ENOX2: variants seen among roughly 807,000 people sequenced by gnomAD.
ENOX2 encodes APK1 antigen.
In ENOX2, 36 loss-of-function variants were observed where a neutral mutation model predicts 45.0. That is an observed-to-expected ratio of 0.80 (90% CI 0.61 to 1.06). The LOEUF is 1.06. Among genes scored for constraint, ENOX2 ranks in the 50% least tolerant of loss-of-function variants. The pLI is 0.00. For synonymous variants in ENOX2, 174 were observed against 152.3 expected, an observed-to-expected ratio of 1.14 and a Z score of -1.05; for missense variants, 423 against 462.5, an observed-to-expected ratio of 0.91 and a Z score of 0.78.
intron 3 of ENOX2, among the ~76,000 whole-genome samples, chrX:130,724,337 G>A (rs1205671252): frequency 8.9e-6 from 1 of 112,392 alleles, no homozygotes; most frequent in Non-Finnish European, 1.9e-5. Flanking sequence ...GCATGGCATG[G>A]GCAACCAAAC....
At chrX:130,636,365 T>C (rs1349260386) in intron 11 of ENOX2, among the ~76,000 whole-genome samples, 3 of 112,391 alleles carry the variant, frequency 2.7e-5, no homozygotes, top group Non-Finnish European at 5.6e-5. Flanking sequence ...TGTTCATGAT[T>C]TGTAATTTCC....
chrX:130,703,261 A>G lies in ENOX2; in HGVS notation c.-38-7T>C. Reference sequence around the variant, plus strand: ...AGAGTTCTACTGTTATCGGCTGAAAAGAAATGACAAGCAAAATAATTTGTT... The same window carrying G: ...AGAGTTCTACTGTTATCGGCTGAAAGGAAATGACAAGCAAAATAATTTGTT... On this transcript the variant is annotated splice_region_variant and splice_polypyrimidine_tract_variant and intron_variant, in intron 3 of 14. Coordinates refer to ENST00000394363, the MANE Select transcript of ENOX2 (RefSeq NM_006375.4). 8.5e-7 allele frequency: 1 copy of G among 1,181,226 alleles called. No homozygotes were observed. The highest frequency in any genetic ancestry group is 1.1e-6 in the Non-Finnish European group (1 of 881,336).
chrX:130,670,027 G>C lies in ENOX2; in HGVS notation c.632C>G (p.Ser211Cys). Residue 211 changes from serine to cysteine, a missense_variant, in exon 7 of 15, where the codon TCT (serine) becomes TGT (cysteine). Physicochemically the swap from Ser to Cys is moderately radical, Grantham distance 112. Transcript: ENST00000394363. ...TGAATAGTGGACCACTGGGGGTGGA[G>C]ATGGTGGACGCAATCTTTCTTCTTC... ...RMEEERLRPP[S>C]PPPVVHYSDH... is the part of the protein sequence containing the mutation. The C allele has an allele frequency of 8.3e-7, 1 of 1,211,500 alleles. No homozygotes were observed. Among genetic ancestry groups the C allele is most frequent in the Non-Finnish European group, 1.1e-6 (1 of 895,112 alleles).
At chrX:130,869,108 T>A (rs1460313581) in intron 2 of ENOX2, among the ~76,000 whole-genome samples, 1 of 111,194 alleles carries the variant, frequency 9.0e-6, no homozygotes, top group African/African-American at 3.3e-5. Context: ...AACTAAAATA[T>A]CTGTTTAATT....
At chrX:130,643,034 T>C (rs746031587) in intron 10 of ENOX2, among the ~76,000 whole-genome samples, 1 of 111,415 alleles carries the variant, frequency 9.0e-6, no homozygotes, top group Non-Finnish European at 1.9e-5. Flanking sequence ...ATGACAGCAA[T>C]GATACAAGAA....
chrX:130,697,969 G>A (rs2037804795), intron 4 of ENOX2, among the ~76,000 whole-genome samples: 1 of 110,967 alleles, frequency 9.0e-6, no homozygotes, highest in Non-Finnish European at 1.9e-5. Flanking sequence ...CTGTGATGTC[G>A]AGCGCCTCAC....
intron 11 of ENOX2, among the ~76,000 whole-genome samples, chrX:130,635,436 T>C (rs2035907537): frequency 8.9e-6 from 1 of 112,224 alleles, no homozygotes; most frequent in Non-Finnish European, 1.9e-5. Context: ...AAATGTAATG[T>C]TGTAAAGCAT....
chrX:130,740,140 C>T (rs1354712615), intron 3 of ENOX2, among the ~76,000 whole-genome samples: 4 of 112,170 alleles, frequency 3.6e-5, no homozygotes, highest in East Asian at 2.8e-4. Flanking sequence ...TGGTGGCTCA[C>T]GCGTGTAATC....
chrX:130,811,830 A>G (rs1294268293), intron 2 of ENOX2, among the ~76,000 whole-genome samples: 1 of 112,483 alleles, frequency 8.9e-6, no homozygotes, highest in Non-Finnish European at 1.9e-5. Flanking sequence ...ACAATAAATG[A>G]CCAAAATGAG....
chrX:130,738,550 G>A (rs1321510285), intron 3 of ENOX2, among the ~76,000 whole-genome samples: 1 of 111,564 alleles, frequency 9.0e-6, no homozygotes. Flanking sequence ...GATATGAGAG[G>A]GTTGGACTTG....
At chrX:130,765,315 A>ACCTC (rs2039590094) in intron 3 of ENOX2, among the ~76,000 whole-genome samples, 2 of 109,056 alleles carry the variant, frequency 1.8e-5, no homozygotes, top group South Asian at 8.0e-4. Flanking sequence ...TCCCCATCCT[A>ACCTC]CCTCCCTCCC....
chrX:130,674,323 A>C (rs2037073206), intron 6 of ENOX2, among the ~76,000 whole-genome samples: 1 of 110,089 alleles, frequency 9.1e-6, no homozygotes, highest in South Asian at 4.0e-4. Flanking sequence ...AAGACCTAGC[A>C]ATAGAAACTA....
intron 1 of ENOX2, 93 bp downstream of exon 1, chrX:130,902,956 T>A (rs2079173639): frequency 9.1e-6 from 1 of 109,537 alleles, no homozygotes; most frequent in South Asian, 4.1e-4. Context: ...AGTTAGGCGC[T>A]GAGGACCGCG....
intron 9 of ENOX2, among the ~76,000 whole-genome samples, chrX:130,664,458 G>A (rs1292055422): frequency 3.6e-5 from 4 of 112,312 alleles, no homozygotes; most frequent in African/African-American, 1.3e-4. Context: ...ACATTTTTAC[G>A]TTTCAGTTTT....
At chrX:130,706,402 A>C (rs1339914138) in intron 3 of ENOX2, among the ~76,000 whole-genome samples, 2 of 111,609 alleles carry the variant, frequency 1.8e-5, no homozygotes, top group Non-Finnish European at 3.8e-5. Flanking sequence ...ATTGGGAAAG[A>C]ATCATTTGAA....
chrX:130,794,545 G>C (rs1245359863), intron 2 of ENOX2, among the ~76,000 whole-genome samples: 1 of 112,771 alleles, frequency 8.9e-6, no homozygotes, highest in Non-Finnish European at 1.9e-5. Flanking sequence ...TCTGCTAATA[G>C]ATTATTAAGA....
At chrX:130,860,707 T>C (rs192355655) in intron 2 of ENOX2, among the ~76,000 whole-genome samples, 1 of 111,736 alleles carries the variant, frequency 8.9e-6, no homozygotes, top group East Asian at 2.8e-4. Flanking sequence ...TGCTTCCATC[T>C]ACCACCATCT....
At chrX:130,824,285 A>G (rs2077675020) in intron 2 of ENOX2, among the ~76,000 whole-genome samples, 1 of 112,042 alleles carries the variant, frequency 8.9e-6, no homozygotes, top group African/African-American at 3.2e-5. Context: ...CTACCTGTAC[A>G]TTGTTGTACA....
chrX:130,884,216 A>G (rs952645920), intron 2 of ENOX2, among the ~76,000 whole-genome samples: 1 of 112,395 alleles, frequency 8.9e-6, no homozygotes, highest in African/African-American at 3.2e-5. Context: ...TTTTGCCAGA[A>G]GGAAATAATA....
Sources: gnomAD v4.1 joint callset for allele counts (sites outside exome capture counted in the v4.1 genomes callset) on GRCh38, gnomAD v4.1.1 for gene constraint, MANE v1.5 for transcripts, NCBI Gene and HGNC (gene_info 2026-07-23, HGNC 2026-07-21) for gene names.